AGBL4: variants seen among roughly 807,000 people sequenced by gnomAD.
AGBL4 encodes AGBL carboxypeptidase 4, also known as cytosolic carboxypeptidase 6.
In AGBL4, 58 loss-of-function variants were observed where a neutral mutation model predicts 66.4. That is an observed-to-expected ratio of 0.87 (90% CI 0.71 to 1.09). The LOEUF (loss-of-function observed/expected upper bound fraction) is 1.09. Ranked by LOEUF, AGBL4 falls within the 50% of genes least tolerant of loss-of-function variation. The pLI is 0.00. For missense variants in AGBL4, 579 were observed against 631.0 expected (o/e 0.92, Z 0.88); for synonymous variants, 234 against 222.9 (o/e 1.05, Z -0.44).
chr1:49,044,451 T>C (rs1433729063), intron 5 of AGBL4, among the ~76,000 whole-genome samples: 1 of 151,722 alleles, frequency 6.6e-6, no homozygotes, highest in Non-Finnish European at 1.5e-5. Context: ...AGCCAAGATC[T>C]TGCCACTGCA....
At chr1:49,017,350 C>T (rs1163969667) in intron 5 of AGBL4, among the ~76,000 whole-genome samples, 2 of 152,136 alleles carry the variant, frequency 1.3e-5, no homozygotes, top group East Asian at 3.9e-4. Flanking sequence ...AGTGGTATGA[C>T]AGTAGAACCA....
intron 3 of AGBL4, among the ~76,000 whole-genome samples, chr1:49,444,035 A>T (rs575606069): frequency 1.4e-4 from 21 of 152,094 alleles, no homozygotes; most frequent in African/African-American, 4.8e-4. Context: ...ATTCAGGATT[A>T]CATGGTGTAA....
At chr1:49,539,640 T>C (rs530322117) in intron 3 of AGBL4, among the ~76,000 whole-genome samples, 2 of 152,328 alleles carry the variant, frequency 1.3e-5, no homozygotes, top group Admixed American at 6.5e-5. Flanking sequence ...GGCATAATCC[T>C]AGGAGCCGCA....
At chr1:49,398,725 T>C (rs1040952401) in intron 3 of AGBL4, among the ~76,000 whole-genome samples, 4 of 152,144 alleles carry the variant, frequency 2.6e-5, no homozygotes, top group Non-Finnish European at 2.9e-5. Context: ...TGTGTGTACA[T>C]AGGTGCATAT....
intron 4 of AGBL4, among the ~76,000 whole-genome samples, chr1:49,192,710 T>C (rs1383799901): frequency 6.6e-6 from 1 of 152,236 alleles, no homozygotes; most frequent in African/African-American, 2.4e-5. Context: ...CTAATATGAA[T>C]AGTAACCTTA....
intron 6 of AGBL4, among the ~76,000 whole-genome samples, chr1:48,847,399 C>CAAAAA (rs11413755): frequency 1.6e-5 from 2 of 126,160 alleles, no homozygotes; most frequent in African/African-American, 3.1e-5. Flanking sequence ...AGAAATGAGG[C>CAAAAA]AAAAAAAAAA....
chr1:49,716,192 C>G (rs1193487751), intron 2 of AGBL4, among the ~76,000 whole-genome samples: 1 of 152,092 alleles, frequency 6.6e-6, no homozygotes, highest in Non-Finnish European at 1.5e-5. Context: ...TTCCCAACAT[C>G]ACTTATTAAA....
chr1:49,376,328 C>A (rs1235532764), intron 3 of AGBL4, among the ~76,000 whole-genome samples: 1 of 152,042 alleles, frequency 6.6e-6, no homozygotes, highest in African/African-American at 2.4e-5. Context: ...CAGATGACAT[C>A]ATGTAGGACC....
intron 3 of AGBL4, among the ~76,000 whole-genome samples, chr1:49,497,901 T>G (rs1647755939): frequency 6.6e-6 from 1 of 152,050 alleles, no homozygotes; most frequent in Admixed American, 6.6e-5. Context: ...TTTTTTCAAT[T>G]TCTGTGTAAA....
At chr1:50,010,380 T>C (rs912427776) in intron 1 of AGBL4, among the ~76,000 whole-genome samples, 11 of 151,810 alleles carry the variant, frequency 7.2e-5, no homozygotes, top group African/African-American at 2.4e-4. Context: ...TCCAAAGCAA[T>C]CTACAGATTC....
chr1:49,566,725 A>T (rs1037122112), intron 3 of AGBL4, among the ~76,000 whole-genome samples: 2 of 152,200 alleles, frequency 1.3e-5, no homozygotes, highest in Admixed American at 6.5e-5. Flanking sequence ...GGTGCCTCCC[A>T]GTTAGGCTAC....
At chr1:48,821,284 A>G (rs796184541) in intron 6 of AGBL4, among the ~76,000 whole-genome samples, 20 of 152,340 alleles carry the variant, frequency 1.3e-4, no homozygotes, top group African/African-American at 4.8e-4. Context: ...TCAAAAAGAC[A>G]CATGCACTTA....
At chr1:49,129,396 C>T (rs1003861446) in intron 4 of AGBL4, among the ~76,000 whole-genome samples, 2 of 151,528 alleles carry the variant, frequency 1.3e-5, no homozygotes, top group Admixed American at 6.6e-5. Flanking sequence ...ATGTGCCATG[C>T]TGGTGTGCTG....
chr1:49,462,478 G>T (rs1029779057), intron 3 of AGBL4, among the ~76,000 whole-genome samples: 1 of 151,796 alleles, frequency 6.6e-6, no homozygotes, highest in East Asian at 2.0e-4. Context: ...CTAAATGACT[G>T]TTGGTGTATC....
At chr1:49,924,778 A>T (rs1441442731) in intron 1 of AGBL4, among the ~76,000 whole-genome samples, 3 of 152,164 alleles carry the variant, frequency 2.0e-5, no homozygotes, top group Non-Finnish European at 4.4e-5. Flanking sequence ...CCCTCAAAAT[A>T]GTAGGGGAGG....
At chr1:49,925,394 G>C (rs1652663471) in intron 1 of AGBL4, among the ~76,000 whole-genome samples, 1 of 152,142 alleles carries the variant, frequency 6.6e-6, no homozygotes, top group African/African-American at 2.4e-5. Context: ...GCAACAACCA[G>C]GTGGTACAGG....
intron 1 of AGBL4, among the ~76,000 whole-genome samples, chr1:50,020,284 TA>T (rs1368105028): frequency 6.6e-6 from 1 of 152,112 alleles, no homozygotes; most frequent in African/African-American, 2.4e-5. Context: ...ATATGTAAAG[TA>T]TATGCAATAC....
intron 4 of AGBL4, among the ~76,000 whole-genome samples, chr1:49,142,001 G>C (rs930512836): frequency 6.6e-6 from 1 of 152,110 alleles, no homozygotes; most frequent in Admixed American, 6.6e-5. Context: ...GAGGTGGTGG[G>C]GGGGTGGGAG....
intron 4 of AGBL4, among the ~76,000 whole-genome samples, chr1:49,162,190 T>A (rs1646553441): frequency 6.6e-6 from 1 of 152,166 alleles, no homozygotes; most frequent in South Asian, 2.1e-4. Flanking sequence ...TATCATAACA[T>A]ACTATAATAA....
Sources: allele counts gnomAD v4.1 joint callset (sites outside exome capture counted in the v4.1 genomes callset), GRCh38; gene constraint gnomAD v4.1.1; transcripts MANE v1.5; gene names NCBI Gene and HGNC (gene_info 2026-07-23, HGNC 2026-07-21).